The following GRXCR1 variants were observed in gnomAD, a reference collection of about 807,000 sequenced individuals.
GRXCR1 encodes the protein glutaredoxin domain-containing cysteine-rich protein 1.
Under a neutral mutation model 27.3 loss-of-function variants are expected in GRXCR1, and 27 were observed. The ratio of observed to expected loss-of-function variants is 0.99; its 90% CI spans 0.73 to 1.37. The LOEUF (loss-of-function observed/expected upper bound fraction) is 1.37, where lower values mean the gene tolerates loss of function less well. Among genes scored for constraint, GRXCR1 ranks in the 40% most tolerant of loss-of-function variants. GRXCR1 has a pLI of 0.00. For missense variants in GRXCR1, 379 were observed against 354.4 expected, an observed-to-expected ratio of 1.07 and a Z score of -0.56; for synonymous variants, 122 against 131.1, an observed-to-expected ratio of 0.93 and a Z score of 0.47.
chr4:42,936,565 T>C (rs1181422346), intron 1 of GRXCR1, among the ~76,000 whole-genome samples: 2 of 151,930 alleles, frequency 1.3e-5, no homozygotes, highest in Non-Finnish European at 2.9e-5. Flanking sequence ...TTGTCACAGT[T>C]AATGAACCAA....
intron 1 of GRXCR1, among the ~76,000 whole-genome samples, chr4:42,921,539 G>T (rs1344041732): frequency 1.3e-5 from 2 of 151,898 alleles, no homozygotes; most frequent in South Asian, 2.1e-4. Context: ...CAGAGTATGG[G>T]GTACACCGTG....
intron 2 of GRXCR1, among the ~76,000 whole-genome samples, chr4:42,965,712 A>AT (rs934306696): frequency 6.6e-5 from 10 of 151,988 alleles, no homozygotes; most frequent in Non-Finnish European, 1.0e-4. Flanking sequence ...GCACAATACA[A>AT]TTTTTTTATA....
At chr4:43,011,308 G>C (rs901376153) in intron 2 of GRXCR1, among the ~76,000 whole-genome samples, 4 of 152,178 alleles carry the variant, frequency 2.6e-5, no homozygotes, top group African/African-American at 9.7e-5. Context: ...ATCACACAAG[G>C]GCCTTTGCCC....
chr4:42,905,006 C>T (rs1487349271), intron 1 of GRXCR1, among the ~76,000 whole-genome samples: 1 of 152,172 alleles, frequency 6.6e-6, no homozygotes, highest in East Asian at 1.9e-4. Flanking sequence ...TAAAAGGCAT[C>T]TTGGTACCAC....
chr4:42,984,577 G>T (rs1711622582), intron 2 of GRXCR1, among the ~76,000 whole-genome samples: 1 of 152,210 alleles, frequency 6.6e-6, no homozygotes, highest in Non-Finnish European at 1.5e-5. Flanking sequence ...AGAGATTCTT[G>T]GCAGGCAGTC....
chr4:42,937,353 G>A lies in GRXCR1; in HGVS notation c.385-25539G>A, dbSNP rs553348875. Among the ~76,000 whole-genome samples, 69 of 150,404 alleles carry A rather than the reference G, an allele frequency of 4.6e-4. 2 individuals carry two copies. The South Asian group carries it at 0.01, about 23-fold the overall frequency. On this transcript the variant is annotated intron_variant, in intron 1 of 3. Transcript: ENST00000399770. ...CAGGCTCACCTTGTGTTTTTTTTCT[G>A]CCCCAGTGCTATAATTAGCTGTTTC...
At chr4:42,979,054 T>C (rs1046798765) in intron 2 of GRXCR1, among the ~76,000 whole-genome samples, 3 of 151,758 alleles carry the variant, frequency 2.0e-5, no homozygotes, top group African/African-American at 7.3e-5. Context: ...CTAGCCATAC[T>C]GAACTGTGAG....
At chr4:42,985,514 A>G (rs1398501266) in intron 2 of GRXCR1, among the ~76,000 whole-genome samples, 1 of 152,174 alleles carries the variant, frequency 6.6e-6, no homozygotes, top group Non-Finnish European at 1.5e-5. Flanking sequence ...ACTTGCAGTC[A>G]GTATCTTAGT....
chr4:42,981,475 C>T (rs1748667751), intron 2 of GRXCR1, among the ~76,000 whole-genome samples: 1 of 152,146 alleles, frequency 6.6e-6, no homozygotes, highest in African/African-American at 2.4e-5. Context: ...AAGTGATGTA[C>T]AAACCACCAT....
At chr4:43,015,413 T>C (rs1417706889) in intron 2 of GRXCR1, among the ~76,000 whole-genome samples, 2 of 152,112 alleles carry the variant, frequency 1.3e-5, no homozygotes, top group Non-Finnish European at 2.9e-5. Flanking sequence ...TAAAAACTGG[T>C]AGTGGTTGGA....
chr4:42,965,639 T>C (rs1267957594), intron 2 of GRXCR1, among the ~76,000 whole-genome samples: 1 of 152,040 alleles, frequency 6.6e-6, no homozygotes, highest in Non-Finnish European at 1.5e-5. Flanking sequence ...AACAGACACA[T>C]GAAACCATTT....
chr4:43,016,386 A>C (rs1471978935), intron 2 of GRXCR1, among the ~76,000 whole-genome samples: 1 of 152,144 alleles, frequency 6.6e-6, no homozygotes, highest in African/African-American at 2.4e-5. Context: ...GTCAACTGCT[A>C]TTCTTGCTAA....
chr4:43,025,751 C>A lies in GRXCR1; in HGVS notation c.694-4610C>A, dbSNP rs10212905. 6.8e-3 allele frequency among the ~76,000 whole-genome samples: 1,034 copies of A among 152,238 alleles called. 15 individuals are homozygous for A. The highest frequency in any genetic ancestry group is 0.024 in the African/African-American group (984 of 41,544). ...CAGCACTTTGGGAGGCCAAGGCGGG[C>A]GGATCACCAGGGCAAGAGATCGAGA... On this transcript the variant is annotated intron_variant, in intron 3 of 3. Transcript: ENST00000399770.
intron 1 of GRXCR1, among the ~76,000 whole-genome samples, chr4:42,962,264 T>C (rs1748143373): frequency 6.6e-6 from 1 of 151,988 alleles, no homozygotes; most frequent in East Asian, 1.9e-4. Flanking sequence ...CACTTTGGTG[T>C]TGATTTCTGT....
At chr4:42,912,019 G>T (rs942720508) in intron 1 of GRXCR1, among the ~76,000 whole-genome samples, 5 of 152,148 alleles carry the variant, frequency 3.3e-5, no homozygotes, top group African/African-American at 1.2e-4. Flanking sequence ...TTCAAAAAGT[G>T]AGCCAGTAAC....
chr4:42,932,972 G>C (rs1032876975), intron 1 of GRXCR1, among the ~76,000 whole-genome samples: 1 of 151,726 alleles, frequency 6.6e-6, no homozygotes, highest in Non-Finnish European at 1.5e-5. Flanking sequence ...GGAATGATGA[G>C]AGAATCATCT....
At chr4:43,025,303 T>C (rs755504158) in intron 3 of GRXCR1, among the ~76,000 whole-genome samples, 16 of 152,198 alleles carry the variant, frequency 1.1e-4, no homozygotes, top group Non-Finnish European at 1.5e-4. Context: ...GAGGCTGAGA[T>C]GTACTACTAG....
At chr4:42,899,204 C>T (rs1262520487) in intron 1 of GRXCR1, among the ~76,000 whole-genome samples, 2 of 152,104 alleles carry the variant, frequency 1.3e-5, no homozygotes, top group Admixed American at 1.3e-4. Flanking sequence ...CCATAACGGA[C>T]AGGACTAGAG....
chr4:42,965,336 T>C (rs1011185044), intron 2 of GRXCR1, among the ~76,000 whole-genome samples: 5 of 152,050 alleles, frequency 3.3e-5, no homozygotes, highest in African/African-American at 1.2e-4. Flanking sequence ...AAACAGATAT[T>C]CCCCCTTCTT....
Sources: gnomAD v4.1 joint callset for allele counts (sites outside exome capture counted in the v4.1 genomes callset) on GRCh38, gnomAD v4.1.1 for gene constraint, MANE v1.5 for transcripts, NCBI Gene and HGNC (gene_info 2026-07-23, HGNC 2026-07-21) for gene names.